The following DLGAP2 variants were observed in gnomAD, a reference collection of about 807,000 sequenced individuals.
DLGAP2 encodes the protein DLG associated protein 2.
A neutral mutation model predicts 100.3 loss-of-function variants in DLGAP2; 26 were observed. The observed-to-expected ratio is 0.26, with a 90% CI of 0.19 to 0.36. DLGAP2 has a LOEUF of 0.36. DLGAP2 is among the 10% of genes least tolerant of loss of function. DLGAP2 has a pLI of 1.00. For synonymous variants in DLGAP2, 886 were observed against 630.1 expected (o/e 1.41, Z -6.08); for missense variants, 1,858 against 1,453.2 (o/e 1.28, Z -4.53).
intron 2 of DLGAP2, among the ~76,000 whole-genome samples, chr8:1,172,821 T>C (rs990661387): frequency 1.3e-5 from 2 of 152,196 alleles, no homozygotes; most frequent in African/African-American, 4.8e-5. Flanking sequence ...TCTTTGCCTA[T>C]GGTTTGAATT....
chr8:1,182,774 G>A (rs1180694013), intron 2 of DLGAP2, among the ~76,000 whole-genome samples: 5 of 152,204 alleles, frequency 3.3e-5, no homozygotes, highest in Admixed American at 6.5e-5. Flanking sequence ...AGTCCAGCGC[G>A]CATGTGAGAG....
chr8:1,039,464 A>G (rs1264077704), intron 2 of DLGAP2, among the ~76,000 whole-genome samples: 2 of 102,624 alleles, frequency 1.9e-5, no homozygotes, highest in Admixed American at 1.1e-4. Flanking sequence ...CTCGGTATGC[A>G]TGTTCAGCTC....
chr8:1,141,525 A>G (rs561600376), intron 2 of DLGAP2, among the ~76,000 whole-genome samples: 5 of 152,300 alleles, frequency 3.3e-5, no homozygotes, highest in African/African-American at 1.2e-4. Flanking sequence ...GTTGTGGTCA[A>G]ATAGGATCTT....
At chr8:1,362,997 T>G (rs551915447) in intron 3 of DLGAP2, among the ~76,000 whole-genome samples, 1 of 152,292 alleles carries the variant, frequency 6.6e-6, no homozygotes, top group African/African-American at 2.4e-5. Context: ...GGAAGCCACA[T>G]CTCAGCCCCA....
intron 3 of DLGAP2, among the ~76,000 whole-genome samples, chr8:1,476,593 C>A (rs952958975): frequency 1.3e-5 from 2 of 152,318 alleles, no homozygotes; most frequent in East Asian, 3.9e-4. Flanking sequence ...CTGTCCCCAT[C>A]GGTGACATTC....
chr8:770,011 A>G (rs1402520624), intron 1 of DLGAP2, among the ~76,000 whole-genome samples: 1 of 152,174 alleles, frequency 6.6e-6, no homozygotes, highest in African/African-American at 2.4e-5. Flanking sequence ...ACATTGAGGG[A>G]GAGATAGCTT....
intron 2 of DLGAP2, among the ~76,000 whole-genome samples, chr8:1,187,225 C>G (rs569649251): frequency 6.6e-6 from 1 of 152,084 alleles, no homozygotes; most frequent in Non-Finnish European, 1.5e-5. Context: ...TCACACGGGA[C>G]CTCCGTGACG....
At chr8:1,098,142 C>A (rs936555912) in intron 2 of DLGAP2, among the ~76,000 whole-genome samples, 1 of 152,260 alleles carries the variant, frequency 6.6e-6, no homozygotes, top group African/African-American at 2.4e-5. Flanking sequence ...ACACGTCCCT[C>A]CCCAAGAGCA....
At chr8:1,225,656 A>G (rs897630650) in intron 2 of DLGAP2, among the ~76,000 whole-genome samples, 3 of 152,380 alleles carry the variant, frequency 2.0e-5, no homozygotes, top group Non-Finnish European at 2.9e-5. Context: ...TTGGTATCTT[A>G]GGTGAAATGA....
chr8:1,453,974 G>A (rs538912047), intron 3 of DLGAP2, among the ~76,000 whole-genome samples: 7 of 152,340 alleles, frequency 4.6e-5, no homozygotes, highest in South Asian at 2.1e-4. Context: ...GGCGTGTGGC[G>A]CAGGCGATGT....
chr8:1,431,451 T>G (rs543416564), intron 3 of DLGAP2, among the ~76,000 whole-genome samples: 1 of 152,162 alleles, frequency 6.6e-6, no homozygotes, highest in Non-Finnish European at 1.5e-5. Flanking sequence ...CCAGGTAGAC[T>G]CTACCCGTGG....
intron 5 of DLGAP2, among the ~76,000 whole-genome samples, chr8:1,563,606 G>T (rs1178780141): frequency 6.6e-6 from 1 of 152,046 alleles, no homozygotes; most frequent in African/African-American, 2.4e-5. Context: ...GCCACACGGG[G>T]TCCATGGTAA....
intron 1 of DLGAP2, among the ~76,000 whole-genome samples, chr8:779,434 C>T (rs1821626718): frequency 6.6e-6 from 1 of 151,530 alleles, no homozygotes; most frequent in African/African-American, 2.4e-5. Context: ...CCAGAGCATG[C>T]TTTTCTCTTC....
intron 3 of DLGAP2, chr8:1,259,946 A>G (rs1799312745): frequency 6.6e-6 from 1 of 152,236 alleles, no homozygotes; most frequent in Non-Finnish European, 1.5e-5. Flanking sequence ...ATCCATGGTA[A>G]AGTCAGTCAC....
intron 1 of DLGAP2, among the ~76,000 whole-genome samples, chr8:903,265 GA>G (rs1798299848): frequency 1.3e-5 from 2 of 152,066 alleles, no homozygotes; most frequent in South Asian, 4.1e-4. Context: ...GCAGGTTGGG[GA>G]ATAGCTGGGT....
intron 3 of DLGAP2, among the ~76,000 whole-genome samples, chr8:1,263,848 C>A (rs922695479): frequency 2.6e-5 from 4 of 152,064 alleles, no homozygotes; most frequent in African/African-American, 7.2e-5. Context: ...TAATTGAATG[C>A]TTTGTATAAA....
chr8:1,411,403 C>G (rs1225198435), intron 3 of DLGAP2, among the ~76,000 whole-genome samples: 1 of 152,218 alleles, frequency 6.6e-6, no homozygotes, highest in East Asian at 1.9e-4. Context: ...CATAAAAGCA[C>G]GAAGGACTTG....
chr8:1,037,152 T>C (rs967009918), intron 2 of DLGAP2, among the ~76,000 whole-genome samples: 2 of 152,046 alleles, frequency 1.3e-5, no homozygotes, highest in African/African-American at 4.8e-5. Context: ...GTGGATTCAG[T>C]CCTTCCTGCC....
At chr8:776,089 G>T (rs905164381) in intron 1 of DLGAP2, among the ~76,000 whole-genome samples, 25 of 152,218 alleles carry the variant, frequency 1.6e-4, no homozygotes, top group African/African-American at 5.8e-4. Context: ...GAGAGTGTAT[G>T]TGTTGAGGAA....
Sources: gnomAD v4.1 joint callset for allele counts (sites outside exome capture counted in the v4.1 genomes callset) on GRCh38, gnomAD v4.1.1 for gene constraint, MANE v1.5 for transcripts, NCBI Gene and HGNC (gene_info 2026-07-23, HGNC 2026-07-21) for gene names.